KIAA1549: variants seen among roughly 807,000 people sequenced by gnomAD.
KIAA1549 encodes the protein UPF0606 protein KIAA1549.
A neutral mutation model predicts 156.4 loss-of-function variants in KIAA1549; 70 were observed. The ratio of observed to expected loss-of-function variants is 0.45; its 90% confidence interval spans 0.37 to 0.55. The LOEUF (loss-of-function observed/expected upper bound fraction) is 0.55. Among genes scored for constraint, KIAA1549 ranks in the 20% least tolerant of loss-of-function variants. The pLI, the probability that KIAA1549 is intolerant of heterozygous loss-of-function variation, is 0.00. For synonymous variants in KIAA1549, 1,103 were observed against 1,066.4 expected (o/e 1.03, Z -0.67); for missense variants, 2,428 against 2,540.9 (o/e 0.96, Z 0.96).
chr7:138,956,568 G>C (rs1813672083), intron 1 of KIAA1549, among the ~76,000 whole-genome samples: 1 of 152,078 alleles, frequency 6.6e-6, no homozygotes, highest in Admixed American at 6.6e-5. Flanking sequence ...GTTTTATAAG[G>C]GGAAACCCCT....
At chr7:138,906,838 C>A in intron 6 of KIAA1549, 81 bp downstream of exon 6, 2 of 1,167,084 alleles carry the variant, frequency 1.7e-6, no homozygotes, top group Non-Finnish European at 2.3e-6. Flanking sequence ...TTTTAAAAAA[C>A]TAAAAAAATT....
chr7:138,950,792 G>A (rs564344492), intron 1 of KIAA1549, among the ~76,000 whole-genome samples: 4 of 152,142 alleles, frequency 2.6e-5, no homozygotes, highest in African/African-American at 9.6e-5. Context: ...GGATCTCCCC[G>A]GGGGCTGAAA....
In KIAA1549 at chr7:138,968,570, A is replaced by G. The variant is rs180811126; in HGVS notation, c.187+12513T>C. Reference sequence around the variant, plus strand: ...GCTAAAAACCTTGTGCTCCAAGGCCAGGCGTGGTGGCTCACGCCTGTAATC... The same window carrying G: ...GCTAAAAACCTTGTGCTCCAAGGCCGGGCGTGGTGGCTCACGCCTGTAATC... On this transcript the variant is annotated intron_variant, in intron 1 of 19. Coordinates refer to ENST00000422774, the MANE Select transcript of KIAA1549 (RefSeq NM_001164665.2). Among the ~76,000 whole-genome samples the G allele has an allele frequency of 2.0e-3, 303 of 152,264 alleles. 1 individual carries two copies. The highest frequency in any genetic ancestry group is 3.3e-3 in the Admixed American group (50 of 15,300).
chr7:138,907,638 G>A (rs1201895803), intron 5 of KIAA1549, among the ~76,000 whole-genome samples: 1 of 152,156 alleles, frequency 6.6e-6, no homozygotes, highest in South Asian at 2.1e-4. Context: ...TTACAAGGCT[G>A]TGCCAAAGAG....
chr7:138,853,184 T>C (rs1397885065), intron 16 of KIAA1549, among the ~76,000 whole-genome samples: 1 of 152,232 alleles, frequency 6.6e-6, no homozygotes, highest in East Asian at 1.9e-4. Flanking sequence ...ACCAATGGTT[T>C]GTCTAAGTTA....
intron 1 of KIAA1549, among the ~76,000 whole-genome samples, chr7:138,952,920 A>C (rs576649870): frequency 6.6e-6 from 1 of 152,330 alleles, no homozygotes; most frequent in African/African-American, 2.4e-5. Flanking sequence ...TCTAGACTGA[A>C]TATTCAGAAT....
chr7:138,930,570 T>C (rs899054333), intron 1 of KIAA1549, among the ~76,000 whole-genome samples: 1 of 152,246 alleles, frequency 6.6e-6, no homozygotes. Context: ...ACGGAGAAGC[T>C]TCTTTCCTTA....
At chr7:138,854,753 G>A (rs1810335533) in intron 16 of KIAA1549, among the ~76,000 whole-genome samples, 1 of 152,090 alleles carries the variant, frequency 6.6e-6, no homozygotes, top group Non-Finnish European at 1.5e-5. Flanking sequence ...TCCACAATGA[G>A]AAAACCATTG....
intron 1 of KIAA1549, among the ~76,000 whole-genome samples, chr7:138,945,352 G>A (rs904270403): frequency 3.9e-4 from 60 of 152,310 alleles, no homozygotes; most frequent in African/African-American, 1.4e-3. Flanking sequence ...TGAAAGGAGG[G>A]TGTTAATCAC....
At chr7:138,955,324 C>T (rs1813629658) in intron 1 of KIAA1549, among the ~76,000 whole-genome samples, 1 of 152,170 alleles carries the variant, frequency 6.6e-6, no homozygotes, top group South Asian at 2.1e-4. Context: ...GAAGGAAATT[C>T]TGACACACAC....
At chr7:138,888,032 T>C (rs1405862781) in intron 10 of KIAA1549, among the ~76,000 whole-genome samples, 1 of 152,190 alleles carries the variant, frequency 6.6e-6, no homozygotes, top group Non-Finnish European at 1.5e-5. Context: ...GACAAACTCA[T>C]GGCAGGGCTC....
At chr7:138,960,739 C>G (rs1202471874) in intron 1 of KIAA1549, among the ~76,000 whole-genome samples, 2 of 105,588 alleles carry the variant, frequency 1.9e-5, no homozygotes, top group Admixed American at 1.5e-4. Flanking sequence ...TATCTGCGGC[C>G]AGAGAGTAAA....
intron 12 of KIAA1549, among the ~76,000 whole-genome samples, chr7:138,872,951 C>G (rs1023437308): frequency 3.3e-5 from 5 of 152,152 alleles, no homozygotes; most frequent in Admixed American, 6.5e-5. Context: ...TTCTAATCAG[C>G]CAGTCACTTC....
intron 1 of KIAA1549, among the ~76,000 whole-genome samples, chr7:138,965,186 G>C (rs528911939): frequency 5.3e-5 from 8 of 152,120 alleles, no homozygotes; most frequent in Non-Finnish European, 1.2e-4. Flanking sequence ...GCAGAGACCG[G>C]AAGGAAGGGG....
At chr7:138,971,768 C>T (rs1814227987) in intron 1 of KIAA1549, among the ~76,000 whole-genome samples, 1 of 152,180 alleles carries the variant, frequency 6.6e-6, no homozygotes, top group African/African-American at 2.4e-5. Flanking sequence ...TCTTCTCGGT[C>T]CCTTTCAGTA....
intron 1 of KIAA1549, among the ~76,000 whole-genome samples, chr7:138,973,711 C>A (rs964003194): frequency 2.0e-5 from 3 of 152,184 alleles, no homozygotes; most frequent in African/African-American, 7.2e-5. Flanking sequence ...GTGGCACAAT[C>A]CCAGCCCACT....
At chr7:138,928,818 T>C (rs926654069) in intron 1 of KIAA1549, among the ~76,000 whole-genome samples, 2 of 152,186 alleles carry the variant, frequency 1.3e-5, no homozygotes, top group Non-Finnish European at 1.5e-5. Context: ...GACAAGTTAA[T>C]GGGCGCAGCA....
rs759826074 is a variant in KIAA1549, at chr7:138,869,567, C to T, written c.4746G>A (p.Val1582=). ...IDKILDPTAS[V]PSVFIEPRKS... ...TCCTGGGCTCTATGAACACGGAGGG[C>T]ACGCTGGCCGTGGGGTCCAGGATCT... The change falls in exon 14 of 20, where the codon GTG becomes GTA. Residue 1582 remains valine, a synonymous_variant. Transcript: ENST00000422774. 3 of 1,583,794 alleles carry T rather than the reference C, an allele frequency of 1.9e-6. No homozygotes were observed. The highest frequency in any genetic ancestry group is 2.7e-5 in the African/African-American group (2 of 74,342).
At chr7:138,867,802 C>T (rs1036289029) in intron 15 of KIAA1549, among the ~76,000 whole-genome samples, 173 bp downstream of exon 15, 3 of 152,184 alleles carry the variant, frequency 2.0e-5, no homozygotes, top group African/African-American at 7.2e-5. Flanking sequence ...AGGGGTGGCA[C>T]CCCACCCCAC....
Sources: allele counts gnomAD v4.1 joint callset (sites outside exome capture counted in the v4.1 genomes callset), GRCh38; gene constraint gnomAD v4.1.1; transcripts MANE v1.5; gene names NCBI Gene and HGNC (gene_info 2026-07-23, HGNC 2026-07-21).